Variants in MCUB observed in about 807,000 individuals in gnomAD.
The protein encoded by MCUB is mitochondrial calcium uniporter dominant negative subunit beta.
A neutral mutation model predicts 41.4 loss-of-function variants in MCUB; 46 were observed. The ratio of observed to expected loss-of-function variants is 1.11; its 90% CI spans 0.88 to 1.42. The LOEUF is 1.42. MCUB is among the 40% of genes most tolerant of loss of function. The pLI is 0.00. For missense variants in MCUB, 403 were observed against 404.9 expected (o/e 1.00, Z 0.04); for synonymous variants, 148 against 148.2 (o/e 1.00, Z 0.01).
intron 1 of MCUB, among the ~76,000 whole-genome samples, chr4:109,562,472 C>T (rs1216602291): frequency 6.6e-6 from 1 of 152,194 alleles, no homozygotes; most frequent in Non-Finnish European, 1.5e-5. Flanking sequence ...TTAGCTAGGA[C>T]TACTAAACCA....
intron 1 of MCUB, among the ~76,000 whole-genome samples, chr4:109,561,190 A>G (rs1487768969): frequency 2.0e-5 from 3 of 152,172 alleles, no homozygotes; most frequent in Admixed American, 2.0e-4. Context: ...TCTGACCCAG[A>G]TGAGGAAAGA....
rs144907096 is a variant in MCUB, at chr4:109,625,063, C to T, written c.100-33948C>T. On this transcript the variant is annotated intron_variant, in intron 1 of 7. Coordinates refer to ENST00000394650, the MANE Select transcript of MCUB (RefSeq NM_017918.5). ...GCTGAGGCAGGAGAATCATTTGAAC[C>T]GGGGAGGTGGAGGTTGCAGTGAGCT... 5.6e-3 allele frequency among the ~76,000 whole-genome samples: 851 copies of T among 152,204 alleles called. 11 individuals carry two copies. The highest frequency in any genetic ancestry group is 0.019 in the African/African-American group (801 of 41,522).
At chr4:109,683,492 TAA>T (rs1335617627) in intron 5 of MCUB, among the ~76,000 whole-genome samples, 1 of 152,234 alleles carries the variant, frequency 6.6e-6, no homozygotes, top group African/African-American at 2.4e-5. Flanking sequence ...TTTTAAAATC[TAA>T]AGTTTTCCTC....
intron 1 of MCUB, among the ~76,000 whole-genome samples, chr4:109,631,427 T>C (rs890046013): frequency 1.6e-4 from 24 of 152,204 alleles, no homozygotes; most frequent in African/African-American, 4.6e-4. Flanking sequence ...CACATAGCTC[T>C]TTTTTATTCA....
rs886519247 is a variant in MCUB, at chr4:109,687,374, AT to A, written c.934-140del. 5.1e-6 allele frequency: 3 copies of A among 585,412 alleles called. No homozygotes were observed. In the African/African-American group the frequency reaches 5.8e-5, roughly 11 times the overall value. The allele number at this position is 585,412 out of a possible 1,614,324, so 36.3% of individuals were successfully genotyped here. A position where few individuals can be genotyped will look rare whatever the true frequency, so the allele number is the denominator to read the frequency against. ...ACCCCATCTCAAGAAAAATATATAT[AT>A]ATTTCAGCCATTTGCCACTAATAGT... On this transcript the variant is annotated intron_variant, in intron 7 of 7. Coordinates refer to ENST00000394650, the MANE Select transcript of MCUB (RefSeq NM_017918.5).
intron 1 of MCUB, among the ~76,000 whole-genome samples, chr4:109,561,435 A>G (rs991831350): frequency 1.4e-5 from 2 of 146,866 alleles, no homozygotes; most frequent in African/African-American, 5.5e-5. Flanking sequence ...TGCAGGGAAT[A>G]TTTAAGTGCA....
At chr4:109,682,813 C>T in intron 5 of MCUB, 71 bp downstream of exon 5, 1 of 1,185,450 alleles carries the variant, frequency 8.4e-7, no homozygotes. Context: ...CTCATGTGAG[C>T]ATTTTTCTGA....
chr4:109,601,471 C>T (rs1186671902), intron 1 of MCUB, among the ~76,000 whole-genome samples: 14 of 152,168 alleles, frequency 9.2e-5, no homozygotes, highest in Admixed American at 9.2e-4. Context: ...AGTTTTAGCT[C>T]CCACGAATAT....
intron 1 of MCUB, among the ~76,000 whole-genome samples, chr4:109,638,622 A>G (rs1728647843): frequency 6.6e-6 from 1 of 152,170 alleles, no homozygotes; most frequent in Admixed American, 6.5e-5. Flanking sequence ...AGTTTGCTGC[A>G]TCCACCAACT....
chr4:109,638,500 C>T (rs1445381944), intron 1 of MCUB, among the ~76,000 whole-genome samples: 1 of 150,742 alleles, frequency 6.6e-6, no homozygotes, highest in Non-Finnish European at 1.5e-5. Context: ...CATCTTTTTG[C>T]TGCTAGAGGT....
intron 1 of MCUB, among the ~76,000 whole-genome samples, chr4:109,581,367 A>G (rs1420613478): frequency 6.6e-6 from 1 of 152,252 alleles, no homozygotes; most frequent in Non-Finnish European, 1.5e-5. Context: ...CTTACACCTT[A>G]TAGAAAAATT....
chr4:109,626,840 AAAAAAGG>A (rs1728371602), intron 1 of MCUB, among the ~76,000 whole-genome samples: 1 of 151,470 alleles, frequency 6.6e-6, no homozygotes, highest in Non-Finnish European at 1.5e-5. Flanking sequence ...AAAAAAAAAA[AAAAAAGG>A]AAGCCTGGAT....
At chr4:109,573,919 C>T (rs545721622) in intron 1 of MCUB, among the ~76,000 whole-genome samples, 1 of 134,750 alleles carries the variant, frequency 7.4e-6, no homozygotes, top group African/African-American at 2.9e-5. Flanking sequence ...GTTGCTCAGG[C>T]TGGATTGCAG....
intron 7 of MCUB, among the ~76,000 whole-genome samples, chr4:109,686,827 T>G (rs1168739578): frequency 6.6e-6 from 1 of 152,146 alleles, no homozygotes; most frequent in Non-Finnish European, 1.5e-5. Flanking sequence ...CAGTGAACTA[T>G]GATCACACCA....
At chr4:109,606,114 A>G (rs1281315191) in intron 1 of MCUB, among the ~76,000 whole-genome samples, 1 of 152,054 alleles carries the variant, frequency 6.6e-6, no homozygotes, top group Non-Finnish European at 1.5e-5. Context: ...AGCTGGGACT[A>G]CAGGCACCTG....
In MCUB at chr4:109,624,560, A is replaced by T. The variant is rs190756511; in HGVS notation, c.100-34451A>T. 2.0e-5 allele frequency among the ~76,000 whole-genome samples: 3 copies of T among 152,322 alleles called. No homozygotes were observed. In the East Asian group the frequency reaches 5.8e-4, roughly 29 times the overall value. On this transcript the variant is annotated intron_variant, in intron 1 of 7. Transcript: ENST00000394650. Reference sequence around the variant, plus strand: ...GCTTGGAGAATAGCTAGAATTGATGAAGAGGATATTTATTAACTTCTTGGC... The same window carrying T: ...GCTTGGAGAATAGCTAGAATTGATGTAGAGGATATTTATTAACTTCTTGGC...
At chr4:109,677,137 G>C (rs1219250860) in intron 4 of MCUB, among the ~76,000 whole-genome samples, 1 of 152,246 alleles carries the variant, frequency 6.6e-6, no homozygotes, top group Non-Finnish European at 1.5e-5. Flanking sequence ...TTGTTCTGAA[G>C]TTTTAAGATT....
intron 1 of MCUB, among the ~76,000 whole-genome samples, chr4:109,583,378 A>G (rs1727229883): frequency 6.6e-6 from 1 of 152,184 alleles, no homozygotes; most frequent in African/African-American, 2.4e-5. Context: ...TTCTTGGTGT[A>G]TAGGAATGCT....
chr4:109,634,407 T>C (rs952533003), intron 1 of MCUB, among the ~76,000 whole-genome samples: 4 of 149,886 alleles, frequency 2.7e-5, no homozygotes, highest in African/African-American at 9.9e-5. Context: ...CGCTTGAACC[T>C]GGGAGGCGGA....
Sources: gnomAD v4.1 joint callset for allele counts (sites outside exome capture counted in the v4.1 genomes callset) on GRCh38, gnomAD v4.1.1 for gene constraint, MANE v1.5 for transcripts, NCBI Gene and HGNC (gene_info 2026-07-23, HGNC 2026-07-21) for gene names.